XRCC2: variants seen among roughly 807,000 people sequenced by gnomAD.
XRCC2 encodes the protein X-ray repair cross complementing 2, also known as DNA repair protein XRCC2.
XRCC2 carries 24 observed loss-of-function variants against 27.3 expected under a neutral mutation model. The ratio of observed to expected loss-of-function variants is 0.88; its 90% CI spans 0.64 to 1.24. The LOEUF (loss-of-function observed/expected upper bound fraction) is 1.24. XRCC2 is among the 50% of genes most tolerant of loss of function. The pLI, the probability that XRCC2 is intolerant of heterozygous loss-of-function variation, is 0.00. For missense variants in XRCC2, 321 were observed against 325.8 expected (o/e 0.99, Z 0.11); for synonymous variants, 106 against 115.4 (o/e 0.92, Z 0.52).
rs1309666275 is a variant in XRCC2, at chr7:152,646,331, TCC to T, written c.*2309_*2310del. 1 of 151,600 alleles carries T rather than the reference TCC, an allele frequency of 6.6e-6. No homozygotes were observed. Among genetic ancestry groups the T allele is most frequent in the East Asian group, 1.9e-4 (1 of 5,174 alleles). 9.4% of individuals were successfully genotyped at this position (151,600 alleles called of 1,614,324 possible). ...GTGTGTGTGTGTGTGTGTGTGTTGT[TCC>T]CTTCTTTGTATCCAGGAGTTCTCAT... On this transcript the variant is annotated 3_prime_UTR_variant, in exon 3 of 3. Coordinates refer to ENST00000359321, the MANE Select transcript of XRCC2 (RefSeq NM_005431.2).
intron 1 of XRCC2, among the ~76,000 whole-genome samples, chr7:152,670,882 C>T (rs569262141): frequency 1.3e-3 from 203 of 152,294 alleles, no homozygotes; most frequent in Non-Finnish European, 2.5e-3. Flanking sequence ...TGAGCCACCA[C>T]GCCCAGCCCA....
chr7:152,669,393 A>C (rs184463825), intron 1 of XRCC2, among the ~76,000 whole-genome samples: 1 of 152,238 alleles, frequency 6.6e-6, no homozygotes, highest in African/African-American at 2.4e-5. Flanking sequence ...AAAAGAGATA[A>C]TGCTCAATTA....
At chr7:152,656,065 A>AAGGCATGAGGGG (rs2098030591) in intron 2 of XRCC2, among the ~76,000 whole-genome samples, 1 of 152,172 alleles carries the variant, frequency 6.6e-6, no homozygotes, top group Admixed American at 6.6e-5. Flanking sequence ...GGGCCTGCTG[A>AAGGCATGAGGGG]AGGCATGAGG....
In XRCC2 at chr7:152,660,751, A is replaced by G. The variant is rs1590134315; in HGVS notation, c.71T>C (p.Leu24Ser). Reference sequence around the variant, plus strand: ...AAACAGATTTGGTTCTATTTCTTTCAAGGAACTTCTACCTTCAAGTCGGGC... The same window carrying G: ...AAACAGATTTGGTTCTATTTCTTTCGAGGAACTTCTACCTTCAAGTCGGGC... ...LLARLEGRSS[L>S]KEIEPNLFAD... Residue 24 changes from leucine (L) to serine (S), a missense_variant, in exon 2 of 3, where the codon TTG becomes TCG. Leu to Ser is a moderately radical substitution (Grantham distance 145). Coordinates refer to ENST00000359321, the MANE Select transcript of XRCC2 (RefSeq NM_005431.2). The G allele has an allele frequency of 1.2e-6, 2 of 1,613,560 alleles. No homozygotes were observed.
intron 1 of XRCC2, among the ~76,000 whole-genome samples, chr7:152,671,231 A>G (rs2098038047): frequency 6.6e-6 from 1 of 152,088 alleles, no homozygotes; most frequent in South Asian, 2.1e-4. Flanking sequence ...TTAAAATTAA[A>G]ATTAAAAAAT....
At chr7:152,649,988 CTG>C (rs1213378157) in intron 2 of XRCC2, among the ~76,000 whole-genome samples, 3 of 152,188 alleles carry the variant, frequency 2.0e-5, no homozygotes, top group African/African-American at 7.2e-5. Flanking sequence ...ACCCAGGACT[CTG>C]GGCACACGGA....
chr7:152,658,755 G>A (rs944382772), intron 2 of XRCC2, among the ~76,000 whole-genome samples: 1 of 152,228 alleles, frequency 6.6e-6, no homozygotes, highest in African/African-American at 2.4e-5. Flanking sequence ...GCACGTGACA[G>A]AATTCTCTTC....
At position 152,670,986 on chromosome 7, in the gene XRCC2, G is replaced by A. The variant is rs537058001; in HGVS notation, c.39+5055C>T. ...TTCCAGCACTTTGGGTGGCCAAGGCGGGCAGATCACCTGAGGTCAGGAGTT... is the reference window on the plus strand; with the variant it reads ...TTCCAGCACTTTGGGTGGCCAAGGCAGGCAGATCACCTGAGGTCAGGAGTT... On this transcript the variant is annotated intron_variant, in intron 1 of 2. Coordinates refer to ENST00000359321, the MANE Select transcript of XRCC2 (RefSeq NM_005431.2). 1.5e-4 allele frequency among the ~76,000 whole-genome samples: 23 copies of A among 152,266 alleles called. No homozygotes were observed. The South Asian group carries it at 3.3e-3, about 22-fold the overall frequency.
intron 1 of XRCC2, among the ~76,000 whole-genome samples, chr7:152,668,502 G>C (rs1459532995): frequency 1.3e-5 from 2 of 152,082 alleles, no homozygotes. Context: ...TCAACCTGCA[G>C]TTTCAGAAGC....
Position 152,645,951 on chromosome 7 carries a change from C to T in XRCC2, c.*2691G>A, listed in dbSNP as rs972710306. 2 of 152,136 alleles carry T rather than the reference C, an allele frequency of 1.3e-5. No individual in the cohort carries two copies. The highest frequency in any genetic ancestry group is 1.3e-4 in the Admixed American group (2 of 15,254). 9.4% of individuals were successfully genotyped at this position (152,136 alleles called of 1,614,324 possible). On this transcript the variant is annotated 3_prime_UTR_variant, in exon 3 of 3. Coordinates refer to ENST00000359321, the MANE Select transcript of XRCC2 (RefSeq NM_005431.2). Reference sequence around the variant, plus strand: ...AGCAAATATGTATTTTAAAAACCAGCCTAAAACTGTCATTTTAACTGGAGT... The same window carrying T: ...AGCAAATATGTATTTTAAAAACCAGTCTAAAACTGTCATTTTAACTGGAGT...
At chr7:152,675,214 ACTCC>A (rs1008820844) in intron 1 of XRCC2, among the ~76,000 whole-genome samples, 4 of 151,834 alleles carry the variant, frequency 2.6e-5, no homozygotes, top group Non-Finnish European at 5.9e-5. Context: ...GAATCCATGT[ACTCC>A]CGACTGTCTC....
chr7:152,648,987 C>G lies in XRCC2; in HGVS notation c.498G>C (p.Val166=), dbSNP rs1057521124. Residue 166 remains valine, a synonymous_variant, in exon 3 of 3, where the codon GTG becomes GTC. Transcript: ENST00000359321. ...WIDRVNGGES[V]NLQESTLRKC... ...TCCTCAGAGTAGACTCCTGTAAGTTCACACTTTCTCCTCCATTGACGCGGT... is the reference window on the plus strand; with the variant it reads ...TCCTCAGAGTAGACTCCTGTAAGTTGACACTTTCTCCTCCATTGACGCGGT... 1.2e-6 allele frequency: 2 copies of G among 1,614,066 alleles called. No homozygotes were observed. The highest frequency in any genetic ancestry group is 3.3e-4 in the Middle Eastern group (2 of 6,084).
At chr7:152,667,983 A>G (rs1324906387) in intron 1 of XRCC2, among the ~76,000 whole-genome samples, 2 of 150,388 alleles carry the variant, frequency 1.3e-5, no homozygotes, top group Non-Finnish European at 1.5e-5. Flanking sequence ...AGCCGAGATC[A>G]CACCACTGCA....
chr7:152,664,196 T>G (rs528526797), intron 1 of XRCC2, among the ~76,000 whole-genome samples: 1 of 152,348 alleles, frequency 6.6e-6, no homozygotes, highest in East Asian at 1.9e-4. Flanking sequence ...GATTTTAATC[T>G]ATATCCTTTT....
At chr7:152,665,594 C>T (rs2098035289) in intron 1 of XRCC2, among the ~76,000 whole-genome samples, 1 of 151,120 alleles carries the variant, frequency 6.6e-6, no homozygotes, top group Non-Finnish European at 1.5e-5. Flanking sequence ...GATCCTCCCA[C>T]CTCGGCCTCC....
At chr7:152,673,320 T>C (rs1395345405) in intron 1 of XRCC2, among the ~76,000 whole-genome samples, 1 of 151,810 alleles carries the variant, frequency 6.6e-6, no homozygotes, top group Non-Finnish European at 1.5e-5. Flanking sequence ...GTAGCTGGGA[T>C]TACAGGCGCC....
chr7:152,659,462 C>A (rs921481245), intron 2 of XRCC2, among the ~76,000 whole-genome samples: 1 of 152,132 alleles, frequency 6.6e-6, no homozygotes, highest in Non-Finnish European at 1.5e-5. Flanking sequence ...TGAGCCACTG[C>A]GCTCGGCTAT....
At chr7:152,672,561 CACAATGCT>C (rs1421777390) in intron 1 of XRCC2, among the ~76,000 whole-genome samples, 4 of 152,190 alleles carry the variant, frequency 2.6e-5, no homozygotes, top group African/African-American at 9.7e-5. Flanking sequence ...TATCCAAAAT[CACAATGCT>C]TGCTCCTGGC....
chr7:152,671,920 A>G (rs998615691), intron 1 of XRCC2, among the ~76,000 whole-genome samples: 12 of 152,154 alleles, frequency 7.9e-5, no homozygotes, highest in African/African-American at 2.7e-4. Context: ...GTGTCCCTTT[A>G]GTCCCAGCTA....
Sources: allele counts gnomAD v4.1 joint callset (sites outside exome capture counted in the v4.1 genomes callset), GRCh38; gene constraint gnomAD v4.1.1; transcripts MANE v1.5; gene names NCBI Gene and HGNC (gene_info 2026-07-23, HGNC 2026-07-21).